Variants in ERGIC2 observed in about 807,000 individuals in gnomAD.
ERGIC2 encodes endoplasmic reticulum-Golgi intermediate compartment protein 2.
Under a neutral mutation model 52.5 loss-of-function variants are expected in ERGIC2, and 31 were observed. That is an observed-to-expected ratio of 0.59 (90% CI 0.44 to 0.80). The LOEUF (loss-of-function observed/expected upper bound fraction) is 0.80, where lower values mean the gene tolerates loss of function less well. Among genes scored for constraint, ERGIC2 ranks in the 30% least tolerant of loss-of-function variants. The probability of loss-of-function intolerance (pLI) is 0.00; values close to 1 mark genes in which losing one functional copy is unlikely to be tolerated. For synonymous variants in ERGIC2, 129 were observed against 140.6 expected, an observed-to-expected ratio of 0.92 and a Z score of 0.58; for missense variants, 395 against 455.2, an observed-to-expected ratio of 0.87 and a Z score of 1.20.
chr12:29,371,226 T>C (rs12829666), intron 2 of ERGIC2, among the ~76,000 whole-genome samples: 18,163 of 152,124 alleles, frequency 0.12, 1,248 homozygotes, highest in Middle Eastern at 0.24. Context: ...CTAAGACAGA[T>C]AGATTTGAAT....
rs1368712413 is a variant in ERGIC2 at position 29,343,148 on chromosome 12, A to T, written c.960T>A (p.Gly320=). ...PFWQFFVRLC[G]IVGGIFSTTG... is the part of the protein sequence containing the mutation. ...TTGTTGAAAAGATTCCTCCAACAATACCACAGAGTCTTACAAAAAACTGCC... is the reference window on the plus strand; with the variant it reads ...TTGTTGAAAAGATTCCTCCAACAATTCCACAGAGTCTTACAAAAAACTGCC... The change falls in exon 12 of 14, where the codon GGT becomes GGA. Residue 320 remains glycine, a synonymous_variant. Coordinates refer to ENST00000360150, the MANE Select transcript of ERGIC2 (RefSeq NM_016570.3). 2 of 1,606,688 alleles carry T rather than the reference A, an allele frequency of 1.2e-6. No individual in the cohort carries two copies. The highest frequency in any genetic ancestry group is 2.7e-5 in the African/African-American group (2 of 74,822).
rs371164137 is a variant in ERGIC2 at position 29,370,137 on chromosome 12, G to A, written c.192C>T (p.Tyr64=). The A allele has an allele frequency of 3.6e-5, 55 of 1,532,264 alleles. No homozygotes were observed. Among genetic ancestry groups the A allele is most frequent in the Middle Eastern group, 1.7e-4 (1 of 5,756 alleles). 94.9% of individuals were successfully genotyped at this position (1,532,264 alleles called of 1,614,324 possible). The change falls in exon 3 of 14, where the codon TAC becomes TAT. Residue 64 remains tyrosine, a synonymous_variant. Transcript: ENST00000360150. The stretch of plus-strand genomic sequence containing the variant: ...ACCTAGAAAAATCCTTGTCTACTTC[G>A]TATTCATACTTCATCCATGTATCTT... ...VYQDTWMKYE[Y]EVDKDFSSKL... is the part of the protein sequence containing the mutation.
At chr12:29,358,489 G>C (rs1052953934) in intron 6 of ERGIC2, among the ~76,000 whole-genome samples, 2 of 152,086 alleles carry the variant, frequency 1.3e-5, no homozygotes, top group African/African-American at 2.4e-5. Flanking sequence ...AGAACTCACA[G>C]AATGTACGTT....
intron 8 of ERGIC2, among the ~76,000 whole-genome samples, chr12:29,353,246 A>T (rs1411233650): frequency 6.6e-6 from 1 of 152,192 alleles, no homozygotes; most frequent in Non-Finnish European, 1.5e-5. Flanking sequence ...GGTCTCGTAA[A>T]TTCTTCTGTG....
intron 8 of ERGIC2, among the ~76,000 whole-genome samples, chr12:29,354,027 T>G (rs774905661): frequency 8.0e-4 from 122 of 152,126 alleles, no homozygotes; most frequent in Admixed American, 2.2e-3. Flanking sequence ...TTGTCAGAAT[T>G]ATTGGGAAGG....
At chr12:29,353,807 T>A (rs1430241994) in intron 8 of ERGIC2, among the ~76,000 whole-genome samples, 1 of 151,986 alleles carries the variant, frequency 6.6e-6, no homozygotes, top group African/African-American at 2.4e-5. Flanking sequence ...AAATTAAATT[T>A]AAAAATCAAA....
Position 29,361,664 on chromosome 12 carries a change from G to A in ERGIC2, c.355C>T (p.Gln119Ter), listed in dbSNP as rs1450455733. ...YEPTVFDLSP[Q>*]QKEWQRMLQL... is the part of the protein sequence containing the mutation. ...TATTACCTCTGCCACTCTTTCTGCT[G>A]TGGTGAAAGATCAAATACTGTCTGA... The change falls in exon 6 of 14, where the codon CAG becomes TAG. Residue 119 changes from glutamine (Q) to a stop codon, truncating the protein, a stop_gained. Coordinates refer to ENST00000360150, the MANE Select transcript of ERGIC2 (RefSeq NM_016570.3). LOFTEE classifies it high-confidence loss of function. The A allele has an allele frequency of 8.1e-6, 13 of 1,605,590 alleles. No individual in the cohort carries two copies. The highest frequency in any genetic ancestry group is 1.1e-5 in the Non-Finnish European group (13 of 1,175,910).
chr12:29,349,233 C>G, intron 9 of ERGIC2, 56 bp from the exon 10 acceptor site: 1 of 825,306 alleles, frequency 1.2e-6, no homozygotes, highest in Admixed American at 2.6e-5. Context: ...TTCAAAATTA[C>G]TTGGTACAGA....
chr12:29,353,947 GC>G (rs1940169047), intron 8 of ERGIC2, among the ~76,000 whole-genome samples: 1 of 152,070 alleles, frequency 6.6e-6, no homozygotes, highest in South Asian at 2.1e-4. Flanking sequence ...CAAGAATCTA[GC>G]CTGAATGACT....
intron 5 of ERGIC2, among the ~76,000 whole-genome samples, chr12:29,365,763 C>T (rs1051106728): frequency 2.6e-5 from 4 of 151,270 alleles, no homozygotes; most frequent in African/African-American, 9.7e-5. Flanking sequence ...ATAATAATCA[C>T]TTAGATCAAA....
At chr12:29,368,439 G>T in intron 3 of ERGIC2, 152 bp from the exon 4 acceptor site, 1 of 543,308 alleles carries the variant, frequency 1.8e-6, no homozygotes, top group Non-Finnish European at 3.3e-6. Flanking sequence ...CCAAAACAAA[G>T]GCTCTTTAAA....
At chr12:29,347,394 T>TA (rs1225491335) in intron 10 of ERGIC2, among the ~76,000 whole-genome samples, 3 of 152,336 alleles carry the variant, frequency 2.0e-5, no homozygotes, top group East Asian at 3.9e-4. Flanking sequence ...TCATTAATAA[T>TA]AAAGCTGCCT....
At chr12:29,346,018 AT>A (rs1420449844) in intron 10 of ERGIC2, among the ~76,000 whole-genome samples, 1 of 151,956 alleles carries the variant, frequency 6.6e-6, no homozygotes, top group Non-Finnish European at 1.5e-5. Flanking sequence ...AACAAAAAAA[AT>A]TTTTAAAAGA....
chr12:29,375,154 G>GT (rs75838986), intron 1 of ERGIC2, among the ~76,000 whole-genome samples: 4,841 of 152,114 alleles, frequency 0.032, 101 homozygotes, highest in South Asian at 0.072. Context: ...ACTCTTCAAG[G>GT]TCCAGTCTAC....
rs1565533338 is a variant in ERGIC2 at position 29,338,845 on chromosome 12, T to C, written c.*2311A>G. The C allele has an allele frequency of 6.6e-6, 1 of 152,170 alleles. No individual in the cohort carries two copies. Among genetic ancestry groups the C allele is most frequent in the Non-Finnish European group, 1.5e-5 (1 of 68,026 alleles). The allele number at this position is 152,170 out of a possible 1,614,324, so 9.4% of individuals were successfully genotyped here. A position where few individuals can be genotyped will look rare whatever the true frequency, so the allele number is the denominator to read the frequency against. On this transcript the variant is annotated 3_prime_UTR_variant, in exon 14 of 14. Transcript: ENST00000360150. Reference sequence around the variant, plus strand: ...TCATTTTTAAATATGTAGTCTGGAATATAAACATATAGATATTATGAATAC... The same window carrying C: ...TCATTTTTAAATATGTAGTCTGGAACATAAACATATAGATATTATGAATAC...
chr12:29,365,912 A>G (rs909446269), intron 5 of ERGIC2, among the ~76,000 whole-genome samples: 2 of 151,964 alleles, frequency 1.3e-5, no homozygotes, highest in African/African-American at 4.8e-5. Flanking sequence ...AACAAAAGTT[A>G]CTGTTTCTGT....
At chr12:29,375,109 C>G (rs1940497250) in intron 1 of ERGIC2, among the ~76,000 whole-genome samples, 1 of 152,076 alleles carries the variant, frequency 6.6e-6, no homozygotes, top group Admixed American at 6.6e-5. Context: ...TTTTCTTCCC[C>G]CTACCGCATC....
chr12:29,380,685 T>A (rs1277610646), intron 1 of ERGIC2: 2 of 152,288 alleles, frequency 1.3e-5, no homozygotes, highest in Non-Finnish European at 2.9e-5. Context: ...GGCAACGTGC[T>A]GCCACGAATG....
intron 2 of ERGIC2, 64 bp downstream of exon 2, chr12:29,371,464 T>C: frequency 9.5e-7 from 1 of 1,049,798 alleles, no homozygotes; most frequent in Non-Finnish European, 1.4e-6. Flanking sequence ...TTTCTATATG[T>C]TGTTGACTGG....
Sources: allele counts gnomAD v4.1 joint callset (sites outside exome capture counted in the v4.1 genomes callset), GRCh38; gene constraint gnomAD v4.1.1; transcripts MANE v1.5; gene names NCBI Gene and HGNC (gene_info 2026-07-23, HGNC 2026-07-21).